Variants in PCNX1 observed in about 807,000 individuals in gnomAD.
PCNX1 encodes pecanex-like protein 1.
PCNX1 carries 78 observed loss-of-function variants against 242.2 expected under a neutral mutation model. The ratio of observed to expected loss-of-function variants is 0.32; its 90% confidence interval spans 0.27 to 0.39. The LOEUF (loss-of-function observed/expected upper bound fraction) is 0.39, where lower values mean the gene tolerates loss of function less well. PCNX1 is among the 10% of genes least tolerant of loss of function. PCNX1 has a pLI of 1.00. For synonymous variants in PCNX1, 1,024 were observed against 1,032.9 expected, an observed-to-expected ratio of 0.99 and a Z score of 0.17; for missense variants, 2,581 against 2,856.5, an observed-to-expected ratio of 0.90 and a Z score of 2.20.
At position 70,997,231 on chromosome 14, in the gene PCNX1, A is replaced by G. The variant is rs548655662; in HGVS notation, c.2629+1306A>G. On this transcript the variant is annotated intron_variant, in intron 8 of 35. Coordinates refer to ENST00000304743, the MANE Select transcript of PCNX1 (RefSeq NM_014982.3). ...AGTTATGTAATAACTTTATATTGCT[A>G]TTTCTCTTTGCTCAACCCAAAGGAT... Among the ~76,000 whole-genome samples, 162 of 152,204 alleles carry G rather than the reference A, an allele frequency of 1.1e-3. 2 individuals are homozygous for G. Among genetic ancestry groups the G allele is most frequent in the South Asian group, 8.1e-3 (39 of 4,824 alleles).
At chr14:71,089,991 C>T (rs2062088321) in intron 30 of PCNX1, among the ~76,000 whole-genome samples, 1 of 152,094 alleles carries the variant, frequency 6.6e-6, no homozygotes, top group African/African-American at 2.4e-5. Context: ...AAGTAAAGGT[C>T]CATGGCCCCC....
rs1224149202 is a variant in PCNX1, at chr14:70,981,457, C to A, written c.2311+2809C>A. ...ATTTTTATTAACATCAATTTAGTGA[C>A]ATGGACCTTATTTTGGCAGTAATAT... On this transcript the variant is annotated intron_variant, in intron 6 of 35. Coordinates refer to ENST00000304743, the MANE Select transcript of PCNX1 (RefSeq NM_014982.3). Among the ~76,000 whole-genome samples, 3 of 152,264 alleles carry A rather than the reference C, an allele frequency of 2.0e-5. No homozygotes were observed. The South Asian group carries it at 6.2e-4, about 32-fold the overall frequency.
At chr14:70,945,123 C>T (rs1204524588) in intron 1 of PCNX1, among the ~76,000 whole-genome samples, 1 of 152,130 alleles carries the variant, frequency 6.6e-6, no homozygotes, top group African/African-American at 2.4e-5. Flanking sequence ...GGTTGGTTCC[C>T]CTGGAAACCA....
At chr14:71,002,408 A>G (rs766296377) in intron 8 of PCNX1, among the ~76,000 whole-genome samples, 2 of 152,154 alleles carry the variant, frequency 1.3e-5, no homozygotes, top group Non-Finnish European at 2.9e-5. Context: ...CATCTGTTAA[A>G]TGTATACAAT....
intron 6 of PCNX1, among the ~76,000 whole-genome samples, chr14:70,980,028 A>T (rs1283330864): frequency 6.6e-6 from 1 of 151,342 alleles, no homozygotes; most frequent in Non-Finnish European, 1.5e-5. Context: ...ATCATATCAG[A>T]TATGTTCACA....
intron 18 of PCNX1, among the ~76,000 whole-genome samples, chr14:71,034,819 T>C (rs887765370): frequency 8.5e-5 from 13 of 152,198 alleles, no homozygotes; most frequent in Non-Finnish European, 1.8e-4. Flanking sequence ...CTAACTTTAG[T>C]TTCCATGTTG....
chr14:70,945,101 C>T (rs2057405232), intron 1 of PCNX1, among the ~76,000 whole-genome samples: 1 of 152,148 alleles, frequency 6.6e-6, no homozygotes, highest in African/African-American at 2.4e-5. Context: ...CAGTCCAACC[C>T]TCTAATCAGG....
chr14:71,070,786 T>A (rs529444254), intron 26 of PCNX1, among the ~76,000 whole-genome samples: 1 of 152,344 alleles, frequency 6.6e-6, no homozygotes, highest in African/African-American at 2.4e-5. Flanking sequence ...AATGAGCATT[T>A]CAACTTAAAC....
At chr14:71,073,455 G>A (rs1253401893) in intron 26 of PCNX1, 90 bp from the exon 27 acceptor site, 2 of 1,225,620 alleles carry the variant, frequency 1.6e-6, no homozygotes, top group Non-Finnish European at 2.3e-6. Context: ...AATAAAATAT[G>A]TATTTTTTTC....
intron 19 of PCNX1, 46 bp downstream of exon 19, chr14:71,036,203 G>GA: frequency 1.6e-6 from 2 of 1,214,620 alleles, no homozygotes; most frequent in Non-Finnish European, 2.4e-6. Context: ...GTTTGAGACA[G>GA]GGTCTCACTC....
intron 24 of PCNX1, chr14:71,053,245 C>T (rs929546849): frequency 6.6e-6 from 3 of 451,590 alleles, no homozygotes; most frequent in Non-Finnish European, 1.3e-5. Flanking sequence ...GATTTAGAAC[C>T]CCTTTATACT....
intron 1 of PCNX1, among the ~76,000 whole-genome samples, chr14:70,938,772 G>T (rs1279867428): frequency 6.6e-6 from 1 of 152,102 alleles, no homozygotes; most frequent in Non-Finnish European, 1.5e-5. Flanking sequence ...ACTTTTTTTG[G>T]TTGGTAGGCT....
chr14:71,061,303 C>A (rs1425714480), intron 26 of PCNX1, among the ~76,000 whole-genome samples: 1 of 152,184 alleles, frequency 6.6e-6, no homozygotes, highest in Non-Finnish European at 1.5e-5. Flanking sequence ...AATCAGAAGT[C>A]TTGAATGACC....
chr14:71,092,806 A>G (rs2062171544), intron 30 of PCNX1: 1 of 152,378 alleles, frequency 6.6e-6, no homozygotes, highest in African/African-American at 2.4e-5. Context: ...AGGGGAAAAG[A>G]TAAACACCAA....
At chr14:71,033,790 T>C (rs1398921498) in intron 17 of PCNX1, 141 bp from the exon 18 acceptor site, 3 of 633,378 alleles carry the variant, frequency 4.7e-6, no homozygotes, top group Non-Finnish European at 8.4e-6. Context: ...TATGGTATCC[T>C]AAACATTTTA....
At chr14:70,974,788 T>G (rs1030589690) in intron 5 of PCNX1, among the ~76,000 whole-genome samples, 1 of 152,228 alleles carries the variant, frequency 6.6e-6, no homozygotes, top group Non-Finnish European at 1.5e-5. Flanking sequence ...ATAACAATTA[T>G]TTTAAAAAAA....
intron 1 of PCNX1, among the ~76,000 whole-genome samples, chr14:70,909,995 G>A (rs745729231): frequency 2.3e-5 from 2 of 88,650 alleles, no homozygotes; most frequent in African/African-American, 8.7e-5. Flanking sequence ...AGCAATAGGG[G>A]CTGTATCTTC....
At chr14:70,952,430 G>A (rs1404222913) in intron 2 of PCNX1, among the ~76,000 whole-genome samples, 2 of 152,076 alleles carry the variant, frequency 1.3e-5, no homozygotes, top group Admixed American at 6.6e-5. Flanking sequence ...CCCTTCAGGA[G>A]TAACCATAAT....
intron 22 of PCNX1, among the ~76,000 whole-genome samples, chr14:71,049,548 G>A (rs188886043): frequency 1.3e-5 from 2 of 152,206 alleles, no homozygotes; most frequent in African/African-American, 4.8e-5. Context: ...AATACAGTTT[G>A]TTTCACAGAC....
Sources: gnomAD v4.1 joint callset for allele counts (sites outside exome capture counted in the v4.1 genomes callset) on GRCh38, gnomAD v4.1.1 for gene constraint, MANE v1.5 for transcripts, NCBI Gene and HGNC (gene_info 2026-07-23, HGNC 2026-07-21) for gene names.